GRIN2B: variants seen among roughly 807,000 people sequenced by gnomAD.
GRIN2B encodes glutamate ionotropic receptor NMDA type subunit 2B.
GRIN2B carries 5 observed loss-of-function variants against 114.5 expected under a neutral mutation model. The observed-to-expected ratio is 0.04, with a 90% CI of 0.02 to 0.09. The LOEUF is 0.09. Among genes scored for constraint, GRIN2B ranks in the 10% least tolerant of loss-of-function variants. The pLI is 1.00. For missense variants in GRIN2B, 1,108 were observed against 1,943.5 expected, an observed-to-expected ratio of 0.57 and a Z score of 8.08; for synonymous variants, 787 against 745.1, an observed-to-expected ratio of 1.06 and a Z score of -0.92.
At chr12:13,568,440 C>A (rs1419090377) in intron 12 of GRIN2B, among the ~76,000 whole-genome samples, 1 of 152,180 alleles carries the variant, frequency 6.6e-6, no homozygotes, top group Non-Finnish European at 1.5e-5. Flanking sequence ...TCCATTATTG[C>A]CTTTGAGTGA....
At chr12:13,608,266 C>T (rs1034532027) in intron 10 of GRIN2B, among the ~76,000 whole-genome samples, 9 of 152,156 alleles carry the variant, frequency 5.9e-5, no homozygotes, top group African/African-American at 1.9e-4. Flanking sequence ...GGCGGCGGTC[C>T]TCTAATAACA....
chr12:13,899,520 A>G (rs1866409329), intron 2 of GRIN2B, among the ~76,000 whole-genome samples: 1 of 143,794 alleles, frequency 7.0e-6, no homozygotes, highest in Admixed American at 6.9e-5. Flanking sequence ...CTCTTGGCCC[A>G]GGCATTTTTG....
At chr12:13,573,194 G>A (rs1446885861) in intron 10 of GRIN2B, among the ~76,000 whole-genome samples, 10 of 149,510 alleles carry the variant, frequency 6.7e-5, no homozygotes, top group African/African-American at 2.5e-4. Context: ...GCTCACGCCT[G>A]TAATCCCAGC....
intron 10 of GRIN2B, among the ~76,000 whole-genome samples, chr12:13,579,647 G>A (rs1260515784): frequency 1.3e-5 from 2 of 152,196 alleles, no homozygotes; most frequent in Non-Finnish European, 1.5e-5. Flanking sequence ...TGACAAGATT[G>A]GGTTTTTGTG....
chr12:13,951,454 G>A (rs1235384661), intron 2 of GRIN2B, among the ~76,000 whole-genome samples: 1 of 152,162 alleles, frequency 6.6e-6, no homozygotes, highest in East Asian at 1.9e-4. Flanking sequence ...TAAGGGTGAA[G>A]AAGTCCCCTC....
intron 10 of GRIN2B, among the ~76,000 whole-genome samples, chr12:13,597,446 A>T (rs936875200): frequency 2.0e-5 from 3 of 152,194 alleles, no homozygotes; most frequent in Non-Finnish European, 4.4e-5. Context: ...TCCTTCCACC[A>T]AGTCTCAGAT....
At chr12:13,785,011 C>A (rs1864198890) in intron 3 of GRIN2B, among the ~76,000 whole-genome samples, 2 of 152,228 alleles carry the variant, frequency 1.3e-5, no homozygotes, top group Non-Finnish European at 2.9e-5. Flanking sequence ...TAACACACCC[C>A]ACAAAATGTT....
chr12:13,946,773 A>G (rs113478011), intron 2 of GRIN2B, among the ~76,000 whole-genome samples: 3 of 152,204 alleles, frequency 2.0e-5, no homozygotes, highest in African/African-American at 7.2e-5. Context: ...AGTTTAAAAT[A>G]TGTGTATTTT....
chr12:13,599,302 G>A lies in GRIN2B; in HGVS notation c.2010+9301C>T, dbSNP rs559125825. ...TAGCATATGCCCAGCTAGGCCGAAA[G>A]GTTCCAAAAATATAGCAGGCTGCAC... On this transcript the variant is annotated intron_variant, in intron 10 of 13. Transcript: ENST00000609686. 3.3e-5 allele frequency among the ~76,000 whole-genome samples: 5 copies of A among 152,212 alleles called. No homozygotes were observed. In the South Asian group the frequency reaches 1.0e-3, roughly 32 times the overall value.
chr12:13,624,325 A>C (rs1436744863), intron 5 of GRIN2B, among the ~76,000 whole-genome samples: 1 of 152,072 alleles, frequency 6.6e-6, no homozygotes, highest in Non-Finnish European at 1.5e-5. Context: ...CCTCCACTAG[A>C]TCTCCCTCCA....
rs375940899 is a variant in GRIN2B at position 13,825,496 on chromosome 12, T to TTTTTTTTTTGTGTG, written c.411+40301_411+40302insCACACAAAAAAAAA. On this transcript the variant is annotated intron_variant, in intron 3 of 13. Transcript: ENST00000609686. The stretch of plus-strand genomic sequence containing the variant: ...TATATATAATAAATATATATATATT[T>TTTTTTTTTTGTGTG]TGTGTGTGTGTGTGTGTGTGTGTGT... Among the ~76,000 whole-genome samples, 216 of 122,958 alleles carry TTTTTTTTTTGTGTG rather than the reference T, an allele frequency of 1.8e-3. 1 individual carries two copies. Among genetic ancestry groups the TTTTTTTTTTGTGTG allele is most frequent in the African/African-American group, 6.4e-3 (204 of 32,082 alleles). The allele number at this position is 122,958 out of a possible 152,430, so 80.7% of individuals were successfully genotyped here.
intron 10 of GRIN2B, among the ~76,000 whole-genome samples, chr12:13,599,337 A>G (rs140185102): frequency 6.6e-6 from 1 of 151,926 alleles, no homozygotes; most frequent in East Asian, 1.9e-4. Flanking sequence ...CACCTTTTCC[A>G]CTCTTGCCAC....
rs544839494 is a variant in GRIN2B, at chr12:13,729,860, T to C, written c.1010+23457A>G. 1.1e-4 allele frequency among the ~76,000 whole-genome samples: 16 copies of C among 146,436 alleles called. No homozygotes were observed. In the East Asian group the frequency reaches 3.1e-3, roughly 28 times the overall value. On this transcript the variant is annotated intron_variant, in intron 4 of 13. Transcript: ENST00000609686. The stretch of plus-strand genomic sequence containing the variant: ...GGATAAGGGTGAGGAGGAGAGAACA[T>C]GGCATGCAGTGGGAACACTGTTGGA...
At chr12:13,866,331 A>G in intron 2 of GRIN2B, 105 bp from the exon 3 acceptor site, 1 of 952,198 alleles carries the variant, frequency 1.1e-6, no homozygotes, top group Non-Finnish European at 1.6e-6. Flanking sequence ...CCTTTCATTG[A>G]GCACCAAACC....
chr12:13,979,679 A>G (rs770543543), intron 2 of GRIN2B, among the ~76,000 whole-genome samples: 6 of 152,118 alleles, frequency 3.9e-5, no homozygotes, highest in Admixed American at 1.3e-4. Flanking sequence ...GCCATCCAAC[A>G]TCTTTTGTGC....
intron 2 of GRIN2B, among the ~76,000 whole-genome samples, chr12:13,889,098 C>G (rs1866214193): frequency 6.6e-6 from 1 of 152,018 alleles, no homozygotes; most frequent in African/African-American, 2.4e-5. Context: ...AAGCTTTTTT[C>G]TATTTTAAAA....
intron 3 of GRIN2B, among the ~76,000 whole-genome samples, chr12:13,803,078 A>G (rs1386374655): frequency 6.6e-6 from 1 of 152,186 alleles, no homozygotes; most frequent in East Asian, 1.9e-4. Flanking sequence ...AATGAATAGT[A>G]AATGTATTTT....
At chr12:13,938,471 C>T (rs924052484) in intron 2 of GRIN2B, among the ~76,000 whole-genome samples, 4 of 151,990 alleles carry the variant, frequency 2.6e-5, no homozygotes, top group African/African-American at 7.2e-5. Context: ...TAGGTTTATT[C>T]GTAATAATCA....
At position 13,564,147 on chromosome 12, in the gene GRIN2B, T is replaced by C; in HGVS notation, c.3091A>G (p.Lys1031Glu). The change falls in exon 14 of 14, where the codon AAG (lysine) becomes GAG (glutamate). Residue 1031 changes from lysine to glutamate, a missense_variant. This residue lies in a region of GRIN2B where 140 missense variants were observed against 187.5 expected (regional missense o/e 0.75). Transcript: ENST00000609686. This position sits in a 1 kb window ranked among gnomAD's most constrained non-coding sequence, Gnocchi z 4.8. ...KPLDIGLPSS[K>E]HSQLSDLYGK... ...TACAGGTCACTGAGCTGGCTGTGCT[T>C]GGAGGAGGGGAGGCCGATGTCCAGG... 6.2e-7 allele frequency: 1 copy of C among 1,614,062 alleles called. No individual in the cohort carries two copies. The highest frequency in any genetic ancestry group is 8.5e-7 in the Non-Finnish European group (1 of 1,180,014).
Sources: gnomAD v4.1 joint callset for allele counts (sites outside exome capture counted in the v4.1 genomes callset) on GRCh38, gnomAD v4.1.1 for gene constraint, gnomAD v4.1.1 regional missense constraint, Gnocchi (gnomAD v3.1) non-coding constraint, MANE v1.5 for transcripts, NCBI Gene and HGNC (gene_info 2026-07-23, HGNC 2026-07-21) for gene names.